Variants in PLEKHA2 observed in about 807,000 individuals in gnomAD.
The protein encoded by PLEKHA2 is pleckstrin homology domain-containing family A member 2.
A neutral mutation model predicts 53.2 loss-of-function variants in PLEKHA2; 28 were observed. That is an observed-to-expected ratio of 0.53 (90% CI 0.39 to 0.72). PLEKHA2 has a LOEUF of 0.72. PLEKHA2 is among the 30% of genes least tolerant of loss of function. The pLI is 0.00. For synonymous variants in PLEKHA2, 193 were observed against 196.4 expected (o/e 0.98, Z 0.14); for missense variants, 426 against 537.9 (o/e 0.79, Z 2.06).
At chr8:38,953,603 G>A (rs947267554) in intron 9 of PLEKHA2, among the ~76,000 whole-genome samples, 10 of 152,102 alleles carry the variant, frequency 6.6e-5, no homozygotes, top group East Asian at 1.9e-4. Context: ...ATAGGCCTAC[G>A]TAATAGTTTC....
At chr8:38,960,470 C>A (rs1322447016) in intron 10 of PLEKHA2, among the ~76,000 whole-genome samples, 4 of 151,884 alleles carry the variant, frequency 2.6e-5, no homozygotes, top group African/African-American at 9.7e-5. Flanking sequence ...CAAATCAAGA[C>A]CCTTTAAAGA....
In PLEKHA2 at chr8:38,947,069, T is replaced by G. The variant is rs140169540; in HGVS notation, c.345+848T>G. Among the ~76,000 whole-genome samples, 574 of 152,358 alleles carry G rather than the reference T, an allele frequency of 3.8e-3. 1 individual carries two copies. The highest frequency in any genetic ancestry group is 0.014 in the Middle Eastern group (4 of 294). On this transcript the variant is annotated intron_variant, in intron 5 of 11. Coordinates refer to ENST00000617275, the MANE Select transcript of PLEKHA2 (RefSeq NM_021623.2). ...TTTGTACACGTATATAGTATTCATA[T>G]TGCTAGACCCAACCTGAGTGTAATT...
At chr8:38,910,201 C>G (rs1253802949) in intron 1 of PLEKHA2, among the ~76,000 whole-genome samples, 2 of 152,204 alleles carry the variant, frequency 1.3e-5, no homozygotes, top group African/African-American at 4.8e-5. Context: ...AAGTGATCAG[C>G]CCGCCTTGGC....
At chr8:38,965,544 A>C (rs1290903412) in intron 10 of PLEKHA2, among the ~76,000 whole-genome samples, 1 of 152,152 alleles carries the variant, frequency 6.6e-6, no homozygotes, top group Non-Finnish European at 1.5e-5. Context: ...TTGTTCCCCT[A>C]GGAGGAAAAT....
In PLEKHA2 at chr8:38,932,055, A is replaced by C. The variant is rs142592979; in HGVS notation, c.142-3939A>C. Among the ~76,000 whole-genome samples, 503 of 152,154 alleles carry C rather than the reference A, an allele frequency of 3.3e-3. 4 individuals carry two copies. The highest frequency in any genetic ancestry group is 0.012 in the African/African-American group (480 of 41,490). ...ACTTAGGCTGGAGTGCAGTGACACG[A>C]TCATAGCTCACTGCAGCCTCGAACT... On this transcript the variant is annotated intron_variant, in intron 2 of 11. Transcript: ENST00000617275.
At position 38,970,209 on chromosome 8, in the gene PLEKHA2, C is replaced by G. The variant is rs745476955; in HGVS notation, c.*426C>G. The G allele has an allele frequency of 1.5e-4, 65 of 431,508 alleles. No individual in the cohort carries two copies. Among genetic ancestry groups the G allele is most frequent in the Non-Finnish European group, 2.4e-4 (59 of 249,162 alleles). 26.7% of individuals were successfully genotyped at this position (431,508 alleles called of 1,614,324 possible). A position where few individuals can be genotyped will look rare whatever the true frequency, so the allele number is the denominator to read the frequency against. ...TTCATTTTGTTTTCAGTCCAGGTGC[C>G]TCGCAGCTCTTTTGGAATGGGCCAG... On this transcript the variant is annotated 3_prime_UTR_variant, in exon 12 of 12. Coordinates refer to ENST00000617275, the MANE Select transcript of PLEKHA2 (RefSeq NM_021623.2).
intron 3 of PLEKHA2, among the ~76,000 whole-genome samples, chr8:38,938,978 A>C (rs1834549085): frequency 6.7e-6 from 1 of 149,654 alleles, no homozygotes; most frequent in African/African-American, 2.5e-5. Flanking sequence ...ATCTCGCCTC[A>C]CTTCAACCTT....
At chr8:38,944,668 G>A (rs1834675200) in intron 4 of PLEKHA2, among the ~76,000 whole-genome samples, 1 of 152,072 alleles carries the variant, frequency 6.6e-6, no homozygotes, top group South Asian at 2.1e-4. Context: ...TAAACCATGA[G>A]AAACCGCCCC....
intron 2 of PLEKHA2, among the ~76,000 whole-genome samples, chr8:38,933,790 A>AAG (rs1554557187): frequency 2.2e-5 from 2 of 90,662 alleles, no homozygotes; most frequent in African/African-American, 3.8e-5. Flanking sequence ...AAAAAAAAAA[A>AAG]AAAAGAAAAG....
chr8:38,939,200 G>A (rs575618925), intron 3 of PLEKHA2, among the ~76,000 whole-genome samples: 4 of 152,150 alleles, frequency 2.6e-5, no homozygotes, highest in African/African-American at 4.8e-5. Flanking sequence ...CACTGCACCC[G>A]GCCCCATCTT....
chr8:38,944,238 G>A (rs1834665616), intron 4 of PLEKHA2, among the ~76,000 whole-genome samples: 1 of 152,050 alleles, frequency 6.6e-6, no homozygotes, highest in South Asian at 2.1e-4. Context: ...GGTTTGCCCG[G>A]GCCTGGTGGC....
At chr8:38,920,147 A>G (rs929277458) in intron 2 of PLEKHA2, among the ~76,000 whole-genome samples, 2 of 149,490 alleles carry the variant, frequency 1.3e-5, no homozygotes, top group Non-Finnish European at 3.0e-5. Flanking sequence ...AATTTTTGTT[A>G]TTTATTTATT....
chr8:38,926,945 C>T (rs1834299891), intron 2 of PLEKHA2, among the ~76,000 whole-genome samples: 1 of 152,070 alleles, frequency 6.6e-6, no homozygotes, highest in Non-Finnish European at 1.5e-5. Flanking sequence ...AACAAACAAA[C>T]AAAAAACTAA....
intron 9 of PLEKHA2, among the ~76,000 whole-genome samples, chr8:38,955,411 C>G (rs1834921718): frequency 6.6e-6 from 1 of 152,228 alleles, no homozygotes; most frequent in African/African-American, 2.4e-5. Flanking sequence ...AAATTTGCTT[C>G]AAGTGACTAT....
intron 9 of PLEKHA2, among the ~76,000 whole-genome samples, chr8:38,956,810 G>A (rs1834949063): frequency 6.6e-6 from 1 of 152,138 alleles, no homozygotes; most frequent in African/African-American, 2.4e-5. Context: ...CAGCAACTTG[G>A]AGGAGTCATT....
intron 1 of PLEKHA2, among the ~76,000 whole-genome samples, chr8:38,913,075 C>T (rs2152365376): frequency 6.6e-6 from 1 of 152,206 alleles, no homozygotes; most frequent in African/African-American, 2.4e-5. Context: ...CAGAAAAAGA[C>T]AGGCATGACC....
At chr8:38,918,561 T>TCATACATACACA (rs1564109969) in intron 2 of PLEKHA2, among the ~76,000 whole-genome samples, 6 of 3,322 alleles carry the variant, frequency 1.8e-3, no homozygotes, top group Admixed American at 3.7e-3. Flanking sequence ...CACACACACA[T>TCATACATACACA]TATACACACA....
At chr8:38,929,662 C>T (rs571789805) in intron 2 of PLEKHA2, among the ~76,000 whole-genome samples, 10 of 152,308 alleles carry the variant, frequency 6.6e-5, no homozygotes, top group Admixed American at 2.6e-4. Context: ...GCATGTCTGG[C>T]GCATCATAAT....
Position 38,922,274 on chromosome 8 carries a change from G to T in PLEKHA2, c.141+4204G>T, listed in dbSNP as rs1485750450. Among the ~76,000 whole-genome samples the T allele has an allele frequency of 6.6e-6, 1 of 152,172 alleles. No homozygotes were observed. The highest frequency in any genetic ancestry group is 2.4e-5 in the African/African-American group (1 of 41,434). On this transcript the variant is annotated intron_variant, in intron 2 of 11. Coordinates refer to ENST00000617275, the MANE Select transcript of PLEKHA2 (RefSeq NM_021623.2). This position sits in a 1 kb window ranked among gnomAD's most constrained non-coding sequence, Gnocchi z 4.0. ...TCTCGGGGCTGGGAGGTCCTAGAAGGTAGGGCACTCGTGTGGCTTAGTTTT... is the reference window on the plus strand; with the variant it reads ...TCTCGGGGCTGGGAGGTCCTAGAAGTTAGGGCACTCGTGTGGCTTAGTTTT...
Sources: gnomAD v4.1 joint callset for allele counts (sites outside exome capture counted in the v4.1 genomes callset) on GRCh38, gnomAD v4.1.1 for gene constraint, Gnocchi (gnomAD v3.1) non-coding constraint, MANE v1.5 for transcripts, NCBI Gene and HGNC (gene_info 2026-07-23, HGNC 2026-07-21) for gene names.